IGSF3: variants seen among roughly 807,000 people sequenced by gnomAD.
IGSF3 encodes immunoglobulin superfamily member 3.
IGSF3 carries 23 observed loss-of-function variants against 114.4 expected under a neutral mutation model. The observed-to-expected ratio is 0.20, with a 90% CI of 0.14 to 0.28. The LOEUF is 0.28. Ranked by LOEUF, IGSF3 falls within the 10% of genes least tolerant of loss-of-function variation. IGSF3 has a pLI of 1.00. For missense variants in IGSF3, 1,172 were observed against 1,591.5 expected, an observed-to-expected ratio of 0.74 and a Z score of 4.48; for synonymous variants, 571 against 645.2, an observed-to-expected ratio of 0.88 and a Z score of 1.74.
chr1:116,596,493 A>G lies in IGSF3; in HGVS notation c.2029+3448T>C, dbSNP rs758677790. On this transcript the variant is annotated intron_variant, in intron 7 of 10. Coordinates refer to ENST00000369486, the MANE Select transcript of IGSF3 (RefSeq NM_001007237.3). This position sits in a 1 kb window ranked among gnomAD's most constrained non-coding sequence, Gnocchi z 4.1. ...AAGAATCAGGAGTTAAAAGAGGCAC[A>G]AGATAAAACTTCTACACCATCAGCA... Among the ~76,000 whole-genome samples the G allele has an allele frequency of 8.0e-4, 122 of 152,332 alleles. No individual in the cohort carries two copies. Among genetic ancestry groups the G allele is most frequent in the Non-Finnish European group, 1.6e-3 (110 of 68,034 alleles).
In IGSF3 at chr1:116,585,047, G is replaced by A. The variant is rs779336400; in HGVS notation, c.2446C>T (p.Arg816Cys). 1.3e-5 allele frequency: 20 copies of A among 1,533,984 alleles called. No homozygotes were observed. Among genetic ancestry groups the A allele is most frequent in the African/African-American group, 2.8e-5 (2 of 72,710 alleles). The stretch of plus-strand genomic sequence containing the variant: ...CCCTGGGCTTGGCTGAGCCTCAGGC[G>A]GCTGTCTGGAACAGTAAGGAAGAGA... ...TEVTVKQPDS[R>C]LRLSQAQGNL... Residue 816 changes from arginine (R) to cysteine (C), a missense_variant, in exon 9 of 11, where the codon CGC (arginine) becomes TGC (cysteine). Physicochemically the swap from Arg to Cys is radical, Grantham distance 180. This residue lies in a region of IGSF3 where 423 missense variants were observed against 509.8 expected (regional missense o/e 0.83). Transcript: ENST00000369486. This position sits in a 1 kb window ranked among gnomAD's most constrained non-coding sequence, Gnocchi z 4.9.
At chr1:116,645,223 A>T (rs1648307012) in intron 2 of IGSF3, among the ~76,000 whole-genome samples, 2 of 152,270 alleles carry the variant, frequency 1.3e-5, no homozygotes, top group African/African-American at 4.8e-5. Flanking sequence ...GGATCTCAAA[A>T]GCACTGTGCT....
Position 116,584,516 on chromosome 1 carries a change from T to C in IGSF3, c.2848+129A>G, listed in dbSNP as rs1180227646. 11 of 902,844 alleles carry C rather than the reference T, an allele frequency of 1.2e-5. No individual in the cohort carries two copies. Among genetic ancestry groups the C allele is most frequent in the Non-Finnish European group, 1.9e-5 (11 of 590,320 alleles). 55.9% of individuals were successfully genotyped at this position (902,844 alleles called of 1,614,324 possible). ...AGGCAATTTTGAATATAAATGCATA[T>C]ACATGTAGACACTCATATATTTAAC... is the stretch of plus-strand genomic sequence containing the variant. On this transcript the variant is annotated intron_variant, in intron 9 of 10. Transcript: ENST00000369486. This position sits in a 1 kb window ranked among gnomAD's most constrained non-coding sequence, Gnocchi z 5.8.
chr1:116,657,691 G>A lies in IGSF3; in HGVS notation c.43+8593C>T, dbSNP rs1285016797. Among the ~76,000 whole-genome samples the A allele has an allele frequency of 6.6e-6, 1 of 152,126 alleles. No homozygotes were observed. Among genetic ancestry groups the A allele is most frequent in the Non-Finnish European group, 1.5e-5 (1 of 68,042 alleles). On this transcript the variant is annotated intron_variant, in intron 2 of 10. Coordinates refer to ENST00000369486, the MANE Select transcript of IGSF3 (RefSeq NM_001007237.3). This position sits in a 1 kb window ranked among gnomAD's most constrained non-coding sequence, Gnocchi z 4.2. Reference sequence around the variant, plus strand: ...AGTGGGAAGCCTGCCTCATGCCATGGCACCAGCGATGCCACAGGTGTACCC... The same window carrying A: ...AGTGGGAAGCCTGCCTCATGCCATGACACCAGCGATGCCACAGGTGTACCC...
intron 4 of IGSF3, among the ~76,000 whole-genome samples, chr1:116,609,854 T>C (rs1252814163): frequency 3.9e-5 from 6 of 152,170 alleles, no homozygotes; most frequent in African/African-American, 1.2e-4. Context: ...ATTCTTCTTT[T>C]CCAGCCCCAG....
rs561932016 is a variant in IGSF3 at position 116,639,983 on chromosome 1, T to C, written c.44-23526A>G. ...CTTACCCAGGAGACAGAGGTTGCAA[T>C]GAGCCGAGATGGCACCGCGGCACTC... is the stretch of plus-strand genomic sequence containing the variant. On this transcript the variant is annotated intron_variant, in intron 2 of 10. Transcript: ENST00000369486. Among the ~76,000 whole-genome samples, 4 of 136,990 alleles carry C rather than the reference T, an allele frequency of 2.9e-5. No homozygotes were observed. In the Admixed American group the frequency reaches 3.4e-4, roughly 12 times the overall value. The allele number at this position is 136,990 out of a possible 152,430, so 89.9% of individuals were successfully genotyped here.
rs936934147 is a variant in IGSF3 at position 116,642,660 on chromosome 1, G to A, written c.43+23624C>T. 2.1e-4 allele frequency among the ~76,000 whole-genome samples: 32 copies of A among 152,340 alleles called. No homozygotes were observed. Among genetic ancestry groups the A allele is most frequent in the African/African-American group, 6.5e-4 (27 of 41,588 alleles). Reference sequence around the variant, plus strand: ...TTAAAATTGATGGTTGGAACTGGGCGCTCCGAGGCTGTGGGCCGGTGTCCT... The same window carrying A: ...TTAAAATTGATGGTTGGAACTGGGCACTCCGAGGCTGTGGGCCGGTGTCCT... On this transcript the variant is annotated intron_variant, in intron 2 of 10. Transcript: ENST00000369486. This position sits in a 1 kb window ranked among gnomAD's most constrained non-coding sequence, Gnocchi z 5.4.
intron 4 of IGSF3, among the ~76,000 whole-genome samples, chr1:116,613,298 AG>A (rs1661093282): frequency 6.6e-6 from 1 of 152,224 alleles, no homozygotes. Context: ...AAATTTCTCT[AG>A]TTCATAATGT....
chr1:116,604,551 G>C (rs941516019), intron 5 of IGSF3, among the ~76,000 whole-genome samples: 1 of 152,244 alleles, frequency 6.6e-6, no homozygotes, highest in Admixed American at 6.5e-5. Context: ...TAAGTATTGG[G>C]ACGATAACGT....
chr1:116,589,247 C>T lies in IGSF3; in HGVS notation c.2030-143G>A, dbSNP rs935002025. On this transcript the variant is annotated intron_variant, in intron 7 of 10. Transcript: ENST00000369486. The surrounding 1 kb of genome is among the most constrained non-coding windows in gnomAD (Gnocchi z 5.7). ...TGGCTTCAGTGTGAGGAAGGCAGCA[C>T]GGAGCCCAGGCCACCGCTAAACATC... The T allele has an allele frequency of 1.5e-5, 10 of 652,018 alleles. No homozygotes were observed. Among genetic ancestry groups the T allele is most frequent in the East Asian group, 2.7e-5 (1 of 36,680 alleles). The allele number at this position is 652,018 out of a possible 1,614,324, so 40.4% of individuals were successfully genotyped here.
chr1:116,600,092 G>C lies in IGSF3; in HGVS notation c.1878C>G (p.Asn626Lys). Residue 626 changes from asparagine to lysine, a missense_variant, in exon 7 of 11, where the codon AAC becomes AAG. Asn to Lys is a moderately conservative substitution (Grantham distance 94, BLOSUM62 0). Coordinates refer to ENST00000369486, the MANE Select transcript of IGSF3 (RefSeq NM_001007237.3). This position sits in a 1 kb window ranked among gnomAD's most constrained non-coding sequence, Gnocchi z 5.5. ...CTCGGCTGATGCTTAGGCGGACGTTGTTGCTGGACTCAGCCTTCTCGATGG... is the reference window on the plus strand; with the variant it reads ...CTCGGCTGATGCTTAGGCGGACGTTCTTGCTGGACTCAGCCTTCTCGATGG... ...RTAIEKAESSNNVRLSISRAS... is the reference protein window; with the variant it reads ...RTAIEKAESSKNVRLSISRAS... 2.5e-6 allele frequency: 4 copies of C among 1,614,232 alleles called. No homozygotes were observed. The Admixed American group carries it at 6.7e-5, about 27-fold the overall frequency.
At chr1:116,581,097 AAC>A (rs1659583063) in intron 9 of IGSF3, among the ~76,000 whole-genome samples, 1 of 152,228 alleles carries the variant, frequency 6.6e-6, no homozygotes, top group Admixed American at 6.5e-5. Flanking sequence ...TATTGCCTAA[AAC>A]ACAGAGAACC....
rs1253749921 is a variant in IGSF3, at chr1:116,599,960, C to T, written c.2010G>A (p.Glu670=). The T allele has an allele frequency of 6.2e-7, 1 of 1,612,486 alleles. No individual in the cohort carries two copies. The highest frequency in any genetic ancestry group is 1.3e-5 in the African/African-American group (1 of 74,928). The part of the protein sequence containing the change: ...RLAERTSNLL[E]IRVLQPVTKL... Reference sequence around the variant, plus strand: ...ACTCACCTGGCTGCAGCACCCTGATCTCCAGCAGGTTGGAGGTCCTCTCCG... The same window carrying T: ...ACTCACCTGGCTGCAGCACCCTGATTTCCAGCAGGTTGGAGGTCCTCTCCG... The change falls in exon 7 of 11, where the codon GAG becomes GAA. Residue 670 remains glutamate (E), a synonymous_variant. Transcript: ENST00000369486.
chr1:116,644,586 G>A lies in IGSF3; in HGVS notation c.43+21698C>T, dbSNP rs564710138. On this transcript the variant is annotated intron_variant, in intron 2 of 10. Coordinates refer to ENST00000369486, the MANE Select transcript of IGSF3 (RefSeq NM_001007237.3). The surrounding 1 kb of genome is among the most constrained non-coding windows in gnomAD (Gnocchi z 5.6). Reference sequence around the variant, plus strand: ...CAGAATGGACTGTTCCAGTGTCCATGGGCTGCAAGTGGGTCCCACGTCACC... The same window carrying A: ...CAGAATGGACTGTTCCAGTGTCCATAGGCTGCAAGTGGGTCCCACGTCACC... Among the ~76,000 whole-genome samples, 81 of 152,332 alleles carry A rather than the reference G, an allele frequency of 5.3e-4. No homozygotes were observed. The highest frequency in any genetic ancestry group is 1.9e-3 in the African/African-American group (79 of 41,576).
chr1:116,622,616 C>T (rs535742210), intron 2 of IGSF3, among the ~76,000 whole-genome samples: 2 of 152,162 alleles, frequency 1.3e-5, no homozygotes, highest in South Asian at 4.1e-4. Context: ...TTTAAATAAG[C>T]AAGTATATAT....
rs1238014391 is a variant in IGSF3, at chr1:116,648,561, C to T, written c.43+17723G>A. On this transcript the variant is annotated intron_variant, in intron 2 of 10. Coordinates refer to ENST00000369486, the MANE Select transcript of IGSF3 (RefSeq NM_001007237.3). The surrounding 1 kb of genome is among the most constrained non-coding windows in gnomAD (Gnocchi z 4.7). The stretch of plus-strand genomic sequence containing the variant: ...ACAAGGCCCTTTGCCCTTAGGAAAA[C>T]ACCATGATTCAGCCAGGCAAGATTG... Among the ~76,000 whole-genome samples the T allele has an allele frequency of 6.6e-6, 1 of 152,200 alleles. No homozygotes were observed. The highest frequency in any genetic ancestry group is 1.5e-5 in the Non-Finnish European group (1 of 68,042).
Position 116,577,146 on chromosome 1 carries a change from G to C in IGSF3, c.*166C>G. 1 of 679,222 alleles carries C rather than the reference G, an allele frequency of 1.5e-6. No individual in the cohort carries two copies. The highest frequency in any genetic ancestry group is 2.4e-6 in the Non-Finnish European group (1 of 408,968). The allele number at this position is 679,222 out of a possible 1,614,324, so 42.1% of individuals were successfully genotyped here. A position where few individuals can be genotyped will look rare whatever the true frequency, so the allele number is the denominator to read the frequency against. ...GCTAACCAACCAAGACTGCCACCGA[G>C]AGGCAGTCTGTCTCTGTGACTGACT... On this transcript the variant is annotated 3_prime_UTR_variant, in exon 11 of 11. Transcript: ENST00000369486. The surrounding 1 kb of genome is among the most constrained non-coding windows in gnomAD (Gnocchi z 5.7).
chr1:116,580,206 A>G (rs773712370), intron 9 of IGSF3, among the ~76,000 whole-genome samples: 51 of 152,208 alleles, frequency 3.4e-4, no homozygotes, highest in Non-Finnish European at 5.9e-4. Flanking sequence ...CGGGGGGAAG[A>G]GGTGTTTATT....
In IGSF3 at chr1:116,596,382, G is replaced by A. The variant is rs1660346861; in HGVS notation, c.2029+3559C>T. Among the ~76,000 whole-genome samples the A allele has an allele frequency of 1.3e-5, 2 of 152,216 alleles. No individual in the cohort carries two copies. Among genetic ancestry groups the A allele is most frequent in the Non-Finnish European group, 1.5e-5 (1 of 68,044 alleles). ...ATCTATGTTTTGAGGGGCAAGGTAC[G>A]CAGGGAGAGCAAAAGAAGAGAGGAC... On this transcript the variant is annotated intron_variant, in intron 7 of 10. Coordinates refer to ENST00000369486, the MANE Select transcript of IGSF3 (RefSeq NM_001007237.3). The surrounding 1 kb of genome is among the most constrained non-coding windows in gnomAD (Gnocchi z 4.1).
Sources: gnomAD v4.1 joint callset for allele counts (sites outside exome capture counted in the v4.1 genomes callset) on GRCh38, gnomAD v4.1.1 for gene constraint, gnomAD v4.1.1 regional missense constraint, Gnocchi (gnomAD v3.1) non-coding constraint, MANE v1.5 for transcripts, NCBI Gene and HGNC (gene_info 2026-07-23, HGNC 2026-07-21) for gene names.